LUZP2: variants seen among roughly 807,000 people sequenced by gnomAD.
LUZP2 encodes leucine zipper protein 2.
A neutral mutation model predicts 51.6 loss-of-function variants in LUZP2; 52 were observed. That is an observed-to-expected ratio of 1.01 (90% CI 0.81 to 1.27). The LOEUF is 1.27. LUZP2 is among the 50% of genes most tolerant of loss of function. The pLI, the probability that LUZP2 is intolerant of heterozygous loss-of-function variation, is 0.00. For synonymous variants in LUZP2, 154 were observed against 137.3 expected, an observed-to-expected ratio of 1.12 and a Z score of -0.85; for missense variants, 436 against 395.4, an observed-to-expected ratio of 1.10 and a Z score of -0.87.
chr11:24,661,540 C>A (rs974820976), intron 1 of LUZP2, among the ~76,000 whole-genome samples: 6 of 152,154 alleles, frequency 3.9e-5, no homozygotes, highest in African/African-American at 1.4e-4. Context: ...AACCTTTCTG[C>A]TCCATTCTTG....
At chr11:25,055,987 C>G (rs1032920448) in intron 10 of LUZP2, among the ~76,000 whole-genome samples, 7 of 152,102 alleles carry the variant, frequency 4.6e-5, no homozygotes, top group African/African-American at 1.7e-4. Context: ...TTTCCATTCC[C>G]TTATGAAAGC....
At position 24,830,809 on chromosome 11, in the gene LUZP2, C is replaced by G. The variant is rs946087366; in HGVS notation, c.396+67501C>G. Among the ~76,000 whole-genome samples the G allele has an allele frequency of 5.3e-5, 8 of 151,428 alleles. No homozygotes were observed. The East Asian group carries it at 1.2e-3, about 22-fold the overall frequency. ...GGAGATCGAGACCATCCTGGCTAACCTGGTGAAACCCCGTCTCTACTAAAA... is the reference window on the plus strand; with the variant it reads ...GGAGATCGAGACCATCCTGGCTAACGTGGTGAAACCCCGTCTCTACTAAAA... On this transcript the variant is annotated intron_variant, in intron 5 of 11. Coordinates refer to ENST00000336930, the MANE Select transcript of LUZP2 (RefSeq NM_001009909.4).
intron 4 of LUZP2, among the ~76,000 whole-genome samples, chr11:24,749,369 A>T (rs137902773): frequency 1.0e-3 from 153 of 152,278 alleles, no homozygotes; most frequent in African/African-American, 3.5e-3. Flanking sequence ...TTATTTGGTT[A>T]TACGCCCCTG....
chr11:24,844,621 C>T (rs931234802), intron 5 of LUZP2, among the ~76,000 whole-genome samples: 2 of 152,118 alleles, frequency 1.3e-5, no homozygotes, highest in Non-Finnish European at 2.9e-5. Context: ...CAGGTCTTAA[C>T]AGCAGCCCAT....
At chr11:24,520,010 TC>T (rs1271193091) in intron 1 of LUZP2, among the ~76,000 whole-genome samples, 1 of 152,210 alleles carries the variant, frequency 6.6e-6, no homozygotes, top group East Asian at 1.9e-4. Context: ...TTCTTTTATT[TC>T]ATTAGTTGCC....
At chr11:24,605,117 C>A (rs1264076379) in intron 1 of LUZP2, among the ~76,000 whole-genome samples, 3 of 151,696 alleles carry the variant, frequency 2.0e-5, no homozygotes, top group Admixed American at 2.0e-4. Context: ...TAGGTCTCTT[C>A]TTTGTAGAAG....
At chr11:25,017,535 T>C (rs1857193684) in intron 9 of LUZP2, among the ~76,000 whole-genome samples, 1 of 152,178 alleles carries the variant, frequency 6.6e-6, no homozygotes, top group Non-Finnish European at 1.5e-5. Flanking sequence ...CCCAGTTTGT[T>C]TTCATATGCT....
intron 1 of LUZP2, among the ~76,000 whole-genome samples, chr11:24,580,732 AC>A (rs1852822443): frequency 6.7e-6 from 1 of 150,056 alleles, no homozygotes; most frequent in Non-Finnish European, 1.5e-5. Flanking sequence ...TGACTTCCAT[AC>A]CACATTATAA....
chr11:24,892,346 C>G, intron 5 of LUZP2: 1 of 985,274 alleles, frequency 1.0e-6, no homozygotes, highest in East Asian at 1.1e-4. Flanking sequence ...TTCAAATTAG[C>G]CACCACTGGA....
At chr11:24,780,854 A>G (rs772082931) in intron 5 of LUZP2, among the ~76,000 whole-genome samples, 14 of 152,190 alleles carry the variant, frequency 9.2e-5, no homozygotes, top group Non-Finnish European at 1.9e-4. Flanking sequence ...ATCTTTTAAA[A>G]TGTTATTTTT....
intron 1 of LUZP2, among the ~76,000 whole-genome samples, chr11:24,511,953 G>A (rs925621071): frequency 2.0e-5 from 3 of 151,838 alleles, no homozygotes; most frequent in African/African-American, 4.8e-5. Context: ...TTTATGTTTG[G>A]ATCTTATATT....
chr11:24,797,616 T>G (rs1590546286), intron 5 of LUZP2, among the ~76,000 whole-genome samples: 1 of 152,144 alleles, frequency 6.6e-6, no homozygotes, highest in East Asian at 1.9e-4. Flanking sequence ...AGAAATGCTC[T>G]GTAGTAGAAA....
chr11:24,510,233 C>A (rs1850268970), intron 1 of LUZP2, among the ~76,000 whole-genome samples: 1 of 152,164 alleles, frequency 6.6e-6, no homozygotes, highest in Admixed American at 6.5e-5. Flanking sequence ...AACGAAAGAG[C>A]AGAGTGTACT....
chr11:24,884,420 G>T (rs990677268), intron 5 of LUZP2, among the ~76,000 whole-genome samples: 3 of 151,980 alleles, frequency 2.0e-5, no homozygotes, highest in African/African-American at 7.2e-5. Flanking sequence ...TAAACACTCC[G>T]TAAATGCTAG....
chr11:24,769,822 T>C (rs1398318578), intron 5 of LUZP2, among the ~76,000 whole-genome samples: 1 of 150,004 alleles, frequency 6.7e-6, no homozygotes, highest in African/African-American at 2.5e-5. Context: ...AGACAGAGTC[T>C]CGCTCTGTCA....
intron 7 of LUZP2, among the ~76,000 whole-genome samples, chr11:24,937,576 A>G (rs1041429489): frequency 1.3e-5 from 2 of 152,152 alleles, no homozygotes; most frequent in African/African-American, 4.8e-5. Context: ...TTAGAGTCTA[A>G]ACAATTATTG....
intron 1 of LUZP2, among the ~76,000 whole-genome samples, chr11:24,562,901 G>C: frequency 6.6e-6 from 1 of 151,706 alleles, no homozygotes; most frequent in East Asian, 1.9e-4. Context: ...ATTAATAACT[G>C]GGTCATGAAT....
intron 5 of LUZP2, among the ~76,000 whole-genome samples, chr11:24,853,109 G>A (rs534826242): frequency 6.6e-6 from 1 of 152,050 alleles, no homozygotes; most frequent in Non-Finnish European, 1.5e-5. Context: ...ATTTTATCCT[G>A]TCATTATGAT....
intron 5 of LUZP2, among the ~76,000 whole-genome samples, chr11:24,767,074 A>AT (rs924129186): frequency 9.2e-5 from 14 of 151,906 alleles, no homozygotes; most frequent in Admixed American, 2.0e-4. Flanking sequence ...CCAGTTTGTT[A>AT]TTTTTTTTAT....
Sources: allele counts gnomAD v4.1 joint callset (sites outside exome capture counted in the v4.1 genomes callset), GRCh38; gene constraint gnomAD v4.1.1; transcripts MANE v1.5; gene names NCBI Gene and HGNC (gene_info 2026-07-23, HGNC 2026-07-21).